NMNAT1: variants seen among roughly 807,000 people sequenced by gnomAD.
NMNAT1 encodes the protein nicotinamide nucleotide adenylyltransferase 1.
Under a neutral mutation model 16.7 loss-of-function variants are expected in NMNAT1, and 11 were observed. That is an observed-to-expected ratio of 0.66 (90% CI 0.41 to 1.09). The LOEUF (loss-of-function observed/expected upper bound fraction) is 1.09, where lower values mean the gene tolerates loss of function less well. Ranked by LOEUF, NMNAT1 falls within the 50% of genes least tolerant of loss-of-function variation. The pLI, the probability that NMNAT1 is intolerant of heterozygous loss-of-function variation, is 0.00. For synonymous variants in NMNAT1, 110 were observed against 119.8 expected (o/e 0.92, Z 0.53); for missense variants, 280 against 332.3 (o/e 0.84, Z 1.22).
intron 1 of NMNAT1, among the ~76,000 whole-genome samples, chr1:9,969,715 C>A (rs954501298): frequency 6.6e-6 from 1 of 152,144 alleles, no homozygotes; most frequent in African/African-American, 2.4e-5. Flanking sequence ...CGTGCCACTG[C>A]ACTCCAGCCT....
At position 9,982,540 on chromosome 1, in the gene NMNAT1, C is replaced by A. The variant is rs764368998; in HGVS notation, c.679C>A (p.Arg227=). The A allele has an allele frequency of 6.2e-7, 1 of 1,613,990 alleles. No homozygotes were observed. Among genetic ancestry groups the A allele is most frequent in the Non-Finnish European group, 8.5e-7 (1 of 1,180,050 alleles). Reference sequence around the variant, plus strand: ...TAATGACATCTCATCCACAAAAATCCGGAGAGCCCTCAGAAGGGGCCAGAG... The same window carrying A: ...TAATGACATCTCATCCACAAAAATCAGGAGAGCCCTCAGAAGGGGCCAGAG... ...IANDISSTKI[R]RALRRGQSIR... The change falls in exon 5 of 5, where the codon CGG becomes AGG. Residue 227 remains arginine (R), a synonymous_variant. Coordinates refer to ENST00000377205, the MANE Select transcript of NMNAT1 (RefSeq NM_022787.4).
intron 1 of NMNAT1, among the ~76,000 whole-genome samples, chr1:9,950,179 C>T (rs1020145235): frequency 1.3e-5 from 2 of 152,158 alleles, no homozygotes; most frequent in African/African-American, 4.8e-5. Flanking sequence ...CAACCTCTGC[C>T]TCCCGGGTTC....
chr1:9,969,599 A>C (rs1641642622), intron 1 of NMNAT1, among the ~76,000 whole-genome samples: 1 of 152,124 alleles, frequency 6.6e-6, no homozygotes, highest in Non-Finnish European at 1.5e-5. Flanking sequence ...AAAAATTCAA[A>C]AGTTATCTGG....
intron 1 of NMNAT1, among the ~76,000 whole-genome samples, chr1:9,970,252 G>A (rs1433031744): frequency 6.6e-6 from 1 of 152,112 alleles, no homozygotes; most frequent in Non-Finnish European, 1.5e-5. Flanking sequence ...TAGAGTTATG[G>A]TAGAAACTAC....
At chr1:9,963,233 A>G (rs1311516895) in intron 1 of NMNAT1, among the ~76,000 whole-genome samples, 3 of 152,054 alleles carry the variant, frequency 2.0e-5, no homozygotes, top group Non-Finnish European at 4.4e-5. Context: ...AGCTTTGTCC[A>G]CTGACAGCAT....
At chr1:9,953,601 CA>C in intron 1 of NMNAT1, among the ~76,000 whole-genome samples, 1 of 151,916 alleles carries the variant, frequency 6.6e-6, no homozygotes, top group South Asian at 2.1e-4. Context: ...CCACCACGCT[CA>C]GCTAATTTTT....
At chr1:9,966,127 C>T (rs536606435) in intron 1 of NMNAT1, among the ~76,000 whole-genome samples, 7 of 151,154 alleles carry the variant, frequency 4.6e-5, no homozygotes, top group South Asian at 2.1e-4. Flanking sequence ...GGTGAAACCC[C>T]GTCTCTACCA....
At chr1:9,977,343 G>A (rs1641837720) in intron 3 of NMNAT1, among the ~76,000 whole-genome samples, 1 of 151,860 alleles carries the variant, frequency 6.6e-6, no homozygotes, top group Admixed American at 6.6e-5. Context: ...CTCCCACCTA[G>A]GCCTCCCAAA....
intron 1 of NMNAT1, among the ~76,000 whole-genome samples, chr1:9,967,732 G>A (rs1282794687): frequency 6.6e-6 from 1 of 152,022 alleles, no homozygotes; most frequent in African/African-American, 2.4e-5. Context: ...CTTTGGAATT[G>A]GCCAAAGTGG....
At chr1:9,955,467 T>C (rs1165119968) in intron 1 of NMNAT1, among the ~76,000 whole-genome samples, 3 of 147,016 alleles carry the variant, frequency 2.0e-5, no homozygotes, top group South Asian at 4.3e-4. Flanking sequence ...TAGCTGGGTG[T>C]GGTGGCGCAT....
At chr1:9,968,613 A>AAAGAAC (rs1553126755) in intron 1 of NMNAT1, among the ~76,000 whole-genome samples, 5 of 146,162 alleles carry the variant, frequency 3.4e-5, no homozygotes, top group Non-Finnish European at 4.5e-5. Flanking sequence ...CTAAAAATAC[A>AAAGAAC]AAAAATAATT....
chr1:9,973,849 C>T (rs1035738318), intron 2 of NMNAT1, among the ~76,000 whole-genome samples: 9 of 149,450 alleles, frequency 6.0e-5, no homozygotes, highest in African/African-American at 2.0e-4. Context: ...TGTGGCGAAA[C>T]CTTGACTCTA....
At chr1:9,962,339 C>G (rs1393939872) in intron 1 of NMNAT1, among the ~76,000 whole-genome samples, 1 of 151,266 alleles carries the variant, frequency 6.6e-6, no homozygotes, top group Non-Finnish European at 1.5e-5. Context: ...AAAATTAGCC[C>G]GGCGTAGTGG....
chr1:9,966,316 T>C (rs1320219372), intron 1 of NMNAT1, among the ~76,000 whole-genome samples: 1 of 149,968 alleles, frequency 6.7e-6, no homozygotes, highest in Non-Finnish European at 1.5e-5. Flanking sequence ...AAAGAAATTA[T>C]TTATAAATAT....
At chr1:9,966,144 C>T (rs767072428) in intron 1 of NMNAT1, among the ~76,000 whole-genome samples, 11 of 148,268 alleles carry the variant, frequency 7.4e-5, no homozygotes, top group South Asian at 2.2e-4. Flanking sequence ...ACCAAAAATA[C>T]GAAAATTAGC....
the NMNAT1 span, among the ~76,000 whole-genome samples, chr1:9,994,994 C>T: frequency 6.6e-6 from 1 of 152,112 alleles, no homozygotes; most frequent in African/African-American, 2.4e-5. Context: ...GTGATCCACC[C>T]ACCTCGGTCT....
At chr1:9,989,268 G>C (rs1201009800), downstream of NMNAT1, among the ~76,000 whole-genome samples, 1 of 152,034 alleles carries the variant, frequency 6.6e-6, no homozygotes, top group African/African-American at 2.4e-5. Context: ...GACCAGCCTG[G>C]CCAACATGGC....
intron 1 of NMNAT1, among the ~76,000 whole-genome samples, chr1:9,944,552 G>A (rs1640921775): frequency 6.6e-6 from 1 of 152,034 alleles, no homozygotes; most frequent in African/African-American, 2.4e-5. Context: ...CAAGAGCTGT[G>A]TTGCCCAGGC....
chr1:9,957,431 C>T (rs1224080803), intron 1 of NMNAT1, among the ~76,000 whole-genome samples: 4 of 151,920 alleles, frequency 2.6e-5, no homozygotes, highest in African/African-American at 4.8e-5. Context: ...AGCAATTCTC[C>T]TTCCTGAGCC....
Sources: gnomAD v4.1 joint callset for allele counts (sites outside exome capture counted in the v4.1 genomes callset) on GRCh38, gnomAD v4.1.1 for gene constraint, MANE v1.5 for transcripts, NCBI Gene and HGNC (gene_info 2026-07-23, HGNC 2026-07-21) for gene names.